The following NLGN1 variants were observed in gnomAD, a reference collection of about 807,000 sequenced individuals.
The protein encoded by NLGN1 is neuroligin 1.
A neutral mutation model predicts 65.5 loss-of-function variants in NLGN1; 12 were observed. That is an observed-to-expected ratio of 0.18 (90% CI 0.12 to 0.30). The LOEUF (loss-of-function observed/expected upper bound fraction) is 0.30, where lower values mean the gene tolerates loss of function less well. Ranked by LOEUF, NLGN1 falls within the 10% of genes least tolerant of loss-of-function variation. The pLI, the probability that NLGN1 is intolerant of heterozygous loss-of-function variation, is 1.00. For synonymous variants in NLGN1, 350 were observed against 359.5 expected (o/e 0.97, Z 0.30); for missense variants, 750 against 1,007.1 (o/e 0.74, Z 3.46).
intron 4 of NLGN1, among the ~76,000 whole-genome samples, chr3:173,954,375 G>A (rs1403583965): frequency 6.6e-6 from 1 of 151,734 alleles, no homozygotes; most frequent in Non-Finnish European, 1.5e-5. Context: ...AAGTGTAAAA[G>A]GTTATTATTA....
intron 4 of NLGN1, among the ~76,000 whole-genome samples, chr3:174,145,613 C>T (rs977934382): frequency 6.6e-6 from 1 of 152,156 alleles, no homozygotes; most frequent in East Asian, 1.9e-4. Context: ...AATGAATCAT[C>T]ATTCTTGTCT....
At chr3:173,834,237 T>C (rs1723158456) in intron 4 of NLGN1, among the ~76,000 whole-genome samples, 1 of 152,188 alleles carries the variant, frequency 6.6e-6, no homozygotes, top group South Asian at 2.1e-4. Flanking sequence ...TATTCTTTGC[T>C]CCTACCAAAC....
exon 7 of NLGN1, chr3:174,282,858 G>A (rs917140399): frequency 4.0e-5 from 6 of 151,652 alleles, no homozygotes; most frequent in African/African-American, 1.5e-4. Flanking sequence ...TAGTTTATAA[G>A]ATAATGCAAA....
intron 3 of NLGN1, among the ~76,000 whole-genome samples, chr3:173,752,271 C>T (rs1776409360): frequency 6.6e-6 from 1 of 152,042 alleles, no homozygotes; most frequent in African/African-American, 2.4e-5. Flanking sequence ...GCAGAATGTA[C>T]CCAGTGTTTA....
chr3:173,786,254 A>G (rs73880583), intron 3 of NLGN1, among the ~76,000 whole-genome samples: 2,244 of 152,274 alleles, frequency 0.015, 66 homozygotes, highest in African/African-American at 0.052. Context: ...GAGGGTAAGT[A>G]TTATGGCTGT....
At chr3:173,555,042 A>G (rs752459875) in intron 2 of NLGN1, among the ~76,000 whole-genome samples, 13 of 152,280 alleles carry the variant, frequency 8.5e-5, no homozygotes, top group Admixed American at 3.3e-4. Flanking sequence ...CTAATTGACC[A>G]TGTATATGTC....
chr3:174,019,025 A>G (rs1560854770), intron 4 of NLGN1, among the ~76,000 whole-genome samples: 2 of 152,162 alleles, frequency 1.3e-5, no homozygotes, highest in African/African-American at 4.8e-5. Context: ...TATCAAAAAT[A>G]AAAACTTCCA....
chr3:173,770,712 T>G (rs1175326988), intron 3 of NLGN1, among the ~76,000 whole-genome samples: 1 of 152,286 alleles, frequency 6.6e-6, no homozygotes, highest in African/African-American at 2.4e-5. Flanking sequence ...TGTATCGACC[T>G]TTCAAAGTCT....
At chr3:174,239,592 T>A (rs1194807127) in intron 4 of NLGN1, among the ~76,000 whole-genome samples, 1 of 152,232 alleles carries the variant, frequency 6.6e-6, no homozygotes, top group Non-Finnish European at 1.5e-5. Context: ...TTTTTAATGT[T>A]TCCTTTTGTA....
intron 4 of NLGN1, among the ~76,000 whole-genome samples, chr3:174,174,445 T>C (rs111488246): frequency 0.015 from 2,289 of 152,208 alleles, 57 homozygotes; most frequent in African/African-American, 0.052. Context: ...ACCAGCAGTG[T>C]AGAAGTGTTC....
At chr3:173,887,274 T>C (rs1734517894) in intron 4 of NLGN1, among the ~76,000 whole-genome samples, 1 of 152,052 alleles carries the variant, frequency 6.6e-6, no homozygotes, top group Non-Finnish European at 1.5e-5. Context: ...CCTATATTTC[T>C]TGGATCACAA....
chr3:174,255,265 C>G (rs1448002313), intron 4 of NLGN1, among the ~76,000 whole-genome samples: 1 of 151,906 alleles, frequency 6.6e-6, no homozygotes, highest in East Asian at 1.9e-4. Context: ...GAAGCCCCAT[C>G]TCTACTAAAA....
At chr3:173,704,117 G>A (rs571956051) in intron 3 of NLGN1, among the ~76,000 whole-genome samples, 1 of 152,096 alleles carries the variant, frequency 6.6e-6, no homozygotes. Flanking sequence ...TCAGTTACTT[G>A]CAAGTACACA....
intron 3 of NLGN1, among the ~76,000 whole-genome samples, chr3:173,643,541 A>G (rs961596725): frequency 1.3e-5 from 2 of 152,226 alleles, no homozygotes; most frequent in African/African-American, 4.8e-5. Flanking sequence ...CAGTACTTTC[A>G]AAAGCAAAAA....
intron 3 of NLGN1, among the ~76,000 whole-genome samples, chr3:173,658,828 C>A (rs934922975): frequency 2.6e-5 from 4 of 151,962 alleles, no homozygotes; most frequent in Admixed American, 1.3e-4. Flanking sequence ...TTTGCATGTT[C>A]TATAATGTAC....
At chr3:173,431,956 A>T (rs927795428) in intron 1 of NLGN1, among the ~76,000 whole-genome samples, 1 of 152,158 alleles carries the variant, frequency 6.6e-6, no homozygotes, top group African/African-American at 2.4e-5. Flanking sequence ...CTTTTTAAAA[A>T]TGTCGTATAT....
chr3:173,777,134 A>T (rs1409388630), intron 3 of NLGN1, among the ~76,000 whole-genome samples: 1 of 151,992 alleles, frequency 6.6e-6, no homozygotes, highest in African/African-American at 2.4e-5. Context: ...TAAAATAAGG[A>T]TAATAACAGT....
At chr3:173,630,223 G>A (rs1438125621) in intron 3 of NLGN1, among the ~76,000 whole-genome samples, 8 of 152,116 alleles carry the variant, frequency 5.3e-5, no homozygotes, top group Non-Finnish European at 1.0e-4. Context: ...AAGGTATGAG[G>A]AAGAATTCCA....
intron 4 of NLGN1, among the ~76,000 whole-genome samples, chr3:174,099,271 T>C (rs947232597): frequency 2.6e-5 from 4 of 152,192 alleles, no homozygotes; most frequent in African/African-American, 9.7e-5. Context: ...AATATGATAA[T>C]TCATTTGTAA....
Sources: gnomAD v4.1 joint callset for allele counts (sites outside exome capture counted in the v4.1 genomes callset) on GRCh38, gnomAD v4.1.1 for gene constraint, MANE v1.5 for transcripts, NCBI Gene and HGNC (gene_info 2026-07-23, HGNC 2026-07-21) for gene names.